The following PROM1 variants were observed in gnomAD, a reference collection of about 807,000 sequenced individuals.
PROM1 encodes the protein prominin 1.
PROM1 carries 105 observed loss-of-function variants against 116.9 expected under a neutral mutation model. The ratio of observed to expected loss-of-function variants is 0.90; its 90% CI spans 0.77 to 1.06. The LOEUF (loss-of-function observed/expected upper bound fraction) is 1.06. Among genes scored for constraint, PROM1 ranks in the 50% least tolerant of loss-of-function variants. The pLI, the probability that PROM1 is intolerant of heterozygous loss-of-function variation, is 0.00. For missense variants in PROM1, 1,122 were observed against 1,045.2 expected, an observed-to-expected ratio of 1.07 and a Z score of -1.01; for synonymous variants, 393 against 387.0, an observed-to-expected ratio of 1.02 and a Z score of -0.18.
chr4:16,010,268 C>T (rs78905000), intron 11 of PROM1, among the ~76,000 whole-genome samples: 2 of 152,146 alleles, frequency 1.3e-5, no homozygotes, highest in Non-Finnish European at 2.9e-5. Flanking sequence ...CCTGAACCAA[C>T]GCTCACATGA....
At chr4:16,003,405 C>T (rs796849201) in intron 13 of PROM1, 11 of 456,706 alleles carry the variant, frequency 2.4e-5, no homozygotes, top group African/African-American at 1.4e-4. Flanking sequence ...CTTTTTACAG[C>T]CCTTGCTATA....
intron 13 of PROM1, 61 bp from the exon 14 acceptor site, chr4:16,000,680 C>A: frequency 7.3e-7 from 1 of 1,362,512 alleles, no homozygotes; most frequent in Non-Finnish European, 1.0e-6. Flanking sequence ...CCTACTGATA[C>A]TTACTAAATC....
At chr4:15,999,553 C>T (rs1331422409) in intron 14 of PROM1, among the ~76,000 whole-genome samples, 1 of 152,036 alleles carries the variant, frequency 6.6e-6, no homozygotes, top group Non-Finnish European at 1.5e-5. Flanking sequence ...ACTGTACGCG[C>T]TTGAGAAGTA....
chr4:16,007,742 C>T lies in PROM1; in HGVS notation c.1302-1052G>A, dbSNP rs149677660. ...CAGGTAGACAGGTAATGGTACTATT[C>T]TTTCTCGTTTGTGAAGCTCTGATCT... On this transcript the variant is annotated intron_variant, in intron 12 of 27. Coordinates refer to ENST00000447510, the MANE Select transcript of PROM1 (RefSeq NM_006017.3). Among the ~76,000 whole-genome samples the T allele has an allele frequency of 8.8e-3, 1,337 of 152,288 alleles. 15 individuals carry two copies. The highest frequency in any genetic ancestry group is 0.031 in the African/African-American group (1,276 of 41,556).
intron 2 of PROM1, among the ~76,000 whole-genome samples, chr4:16,068,621 T>G (rs983940335): frequency 1.3e-5 from 2 of 152,364 alleles, no homozygotes; most frequent in African/African-American, 4.8e-5. Context: ...CACTGCGACA[T>G]TTATTCAATT....
At chr4:16,013,180 T>G in intron 11 of PROM1, 95 bp downstream of exon 11, 1 of 1,007,176 alleles carries the variant, frequency 9.9e-7, no homozygotes, top group Admixed American at 2.1e-5. Flanking sequence ...TGAGAAACTG[T>G]TTTTTTAAGA....
chr4:16,013,531 A>C (rs538827798), intron 10 of PROM1, among the ~76,000 whole-genome samples, 193 bp from the exon 11 acceptor site: 1 of 152,374 alleles, frequency 6.6e-6, no homozygotes, highest in Non-Finnish European at 1.5e-5. Context: ...TCTTTAAATT[A>C]TATCAATCAA....
At chr4:15,994,130 A>G in intron 15 of PROM1, 59 bp from the exon 16 acceptor site, 1 of 1,605,562 alleles carries the variant, frequency 6.2e-7, no homozygotes, top group Non-Finnish European at 8.5e-7. Context: ...ACCTCTGTCC[A>G]CCACTGAAGA....
At chr4:16,074,694 A>G (rs1210143795) in intron 2 of PROM1, among the ~76,000 whole-genome samples, 2 of 152,232 alleles carry the variant, frequency 1.3e-5, no homozygotes, top group African/African-American at 4.8e-5. Flanking sequence ...TAAGTGTTAA[A>G]AAACCAATAC....
At chr4:16,001,808 A>G (rs1342323623) in intron 13 of PROM1, among the ~76,000 whole-genome samples, 1 of 152,172 alleles carries the variant, frequency 6.6e-6, no homozygotes, top group Non-Finnish European at 1.5e-5. Flanking sequence ...GGGAAGAGGC[A>G]GTGTGGGTAA....
In PROM1 at chr4:16,006,608, C is replaced by T. The variant is rs779901241; in HGVS notation, c.1384G>A (p.Gly462Ser). The change falls in exon 13 of 28, where the codon GGC becomes AGC. Residue 462 changes from glycine to serine, a missense_variant. By Grantham distance (56) the Gly-to-Ser change is moderately conservative. Transcript: ENST00000447510. ...YYLGLLCGVC[G>S]YDRHATPTTR... ...GTCGGGGTGGCATGCCTGTCATAGCCGCACACGCCACACAGTAAGCCCAGG... is the reference window on the plus strand; with the variant it reads ...GTCGGGGTGGCATGCCTGTCATAGCTGCACACGCCACACAGTAAGCCCAGG... 1.8e-5 allele frequency: 29 copies of T among 1,609,934 alleles called. No homozygotes were observed. The highest frequency in any genetic ancestry group is 6.7e-5 in the East Asian group (3 of 44,690).
intron 1 of PROM1, chr4:16,079,773 C>T (rs1475826964): frequency 6.6e-6 from 1 of 152,000 alleles, no homozygotes; most frequent in Non-Finnish European, 1.5e-5. Flanking sequence ...CCTGGAGTAC[C>T]CGCCTAGTCA....
At chr4:16,003,855 C>A (rs980831022) in intron 13 of PROM1, among the ~76,000 whole-genome samples, 1 of 152,170 alleles carries the variant, frequency 6.6e-6, no homozygotes, top group Non-Finnish European at 1.5e-5. Flanking sequence ...AGCCAGGGCT[C>A]TCTGACTTTC....
Position 15,969,227 on chromosome 4 carries a change from C to T in PROM1, c.*166G>A, listed in dbSNP as rs1182477512. 7 of 152,172 alleles carry T rather than the reference C, an allele frequency of 4.6e-5. No individual in the cohort carries two copies. Among genetic ancestry groups the T allele is most frequent in the Non-Finnish European group, 7.3e-5 (5 of 68,036 alleles). The allele number at this position is 152,172 out of a possible 1,614,324, so 9.4% of individuals were successfully genotyped here. ...GATTGTGTTCATTCTTAAAGCACTA[C>T]CCAGAGACCAATGGTGCCGTTGCCT... On this transcript the variant is annotated 3_prime_UTR_variant, in exon 28 of 28. Coordinates refer to ENST00000447510, the MANE Select transcript of PROM1 (RefSeq NM_006017.3).
At chr4:16,022,230 G>T (rs1384477647) in intron 8 of PROM1, among the ~76,000 whole-genome samples, 1 of 152,132 alleles carries the variant, frequency 6.6e-6, no homozygotes, top group Non-Finnish European at 1.5e-5. Context: ...AGGAGGCAAT[G>T]GTCTCTGAGG....
chr4:16,017,165 C>G (rs772095923), intron 9 of PROM1, among the ~76,000 whole-genome samples: 49 of 152,090 alleles, frequency 3.2e-4, no homozygotes, highest in Non-Finnish European at 5.0e-4. Flanking sequence ...GAACAAAATG[C>G]ATATTATTTT....
chr4:16,044,778 A>G (rs141682760), intron 2 of PROM1, among the ~76,000 whole-genome samples: 1 of 152,228 alleles, frequency 6.6e-6, no homozygotes, highest in Admixed American at 6.5e-5. Context: ...GACTTTCTGC[A>G]GGCACTTCCA....
At chr4:15,985,385 G>A (rs998188969) in intron 22 of PROM1, 3 of 210,120 alleles carry the variant, frequency 1.4e-5, no homozygotes, top group Non-Finnish European at 2.8e-5. Context: ...TCTGAGCCTC[G>A]GTTTCCAGTT....
intron 23 of PROM1, among the ~76,000 whole-genome samples, chr4:15,980,823 C>T (rs931286385): frequency 2.6e-5 from 4 of 151,820 alleles, no homozygotes; most frequent in Non-Finnish European, 5.9e-5. Context: ...AGCCAGGATG[C>T]GAATCTAGGC....
Sources: allele counts gnomAD v4.1 joint callset (sites outside exome capture counted in the v4.1 genomes callset), GRCh38; gene constraint gnomAD v4.1.1; transcripts MANE v1.5; gene names NCBI Gene and HGNC (gene_info 2026-07-23, HGNC 2026-07-21).